The following CSRP2 variants were observed in gnomAD, a reference collection of about 807,000 sequenced individuals.
CSRP2 encodes the protein cysteine and glycine-rich protein 2.
In CSRP2, 18 loss-of-function variants were observed where a neutral mutation model predicts 24.6. The observed-to-expected ratio is 0.73, with a 90% CI of 0.51 to 1.09. The LOEUF (loss-of-function observed/expected upper bound fraction) is 1.09, where lower values mean the gene tolerates loss of function less well. CSRP2 is among the 50% of genes least tolerant of loss of function. The pLI is 0.00. For synonymous variants in CSRP2, 87 were observed against 84.3 expected, an observed-to-expected ratio of 1.03 and a Z score of -0.18; for missense variants, 215 against 239.4, an observed-to-expected ratio of 0.90 and a Z score of 0.67.
At chr12:76,873,311 G>A (rs1176241107) in intron 1 of CSRP2, among the ~76,000 whole-genome samples, 3 of 152,198 alleles carry the variant, frequency 2.0e-5, no homozygotes, top group African/African-American at 4.8e-5. Context: ...GTCCCGTTAC[G>A]ATGACTTTTT....
Position 76,863,223 on chromosome 12 carries a change from G to T in CSRP2, c.234C>A (p.Gly78=). ...PKGYGYGQGA[G]TLNMDRGERL... ...TCTCGCCACGGTCCATGTTAAGCGT[G>T]CCAGCGCCCTGGCCATAACCGTAGC... is the stretch of plus-strand genomic sequence containing the variant. The change falls in exon 3 of 6, where the codon GGC becomes GGA. Residue 78 remains glycine, a synonymous_variant. Coordinates refer to ENST00000311083, the MANE Select transcript of CSRP2 (RefSeq NM_001321.3). 3 of 1,614,214 alleles carry T rather than the reference G, an allele frequency of 1.9e-6. No homozygotes were observed. Among genetic ancestry groups the T allele is most frequent in the Non-Finnish European group, 2.5e-6 (3 of 1,180,040 alleles).
In CSRP2 at chr12:76,858,962, T is replaced by G. The variant is rs146063685; in HGVS notation, c.572A>C (p.His191Pro). Reference sequence around the variant, plus strand: ...TTCAGGGTTTACATCTTACTGGGCATGAACAAGAGCCCCTGCTCCTTGGCC... The same window carrying G: ...TTCAGGGTTTACATCTTACTGGGCAGGAACAAGAGCCCCTGCTCCTTGGCC... ...GYGQGAGALV[H>P]AQ The change falls in exon 6 of 6, where the codon CAT becomes CCT. Residue 191 changes from histidine (H) to proline (P), a missense_variant. Physicochemically the swap from His to Pro is moderately conservative, Grantham distance 77. Coordinates refer to ENST00000311083, the MANE Select transcript of CSRP2 (RefSeq NM_001321.3). The G allele has an allele frequency of 3.7e-6, 6 of 1,614,006 alleles. No homozygotes were observed. The highest frequency in any genetic ancestry group is 5.1e-6 in the Non-Finnish European group (6 of 1,179,950).
chr12:76,862,377 CCAAAAATA>C, intron 3 of CSRP2: 1 of 153,110 alleles, frequency 6.5e-6, no homozygotes, highest in Non-Finnish European at 1.5e-5. Context: ...CCCGCCTCTA[CCAAAAATA>C]CAAAAATTAG....
chr12:76,867,320 C>A (rs148206818), intron 1 of CSRP2, among the ~76,000 whole-genome samples: 1 of 129,954 alleles, frequency 7.7e-6, no homozygotes, highest in Non-Finnish European at 1.6e-5. Flanking sequence ...GAAACCCCGT[C>A]TCTGCTAAAT....
chr12:76,877,819 A>C (rs1256370260), intron 1 of CSRP2, among the ~76,000 whole-genome samples: 1 of 152,168 alleles, frequency 6.6e-6, no homozygotes, highest in Non-Finnish European at 1.5e-5. Context: ...ACGTGAGTCA[A>C]AGTACAGCCA....
intron 1 of CSRP2, among the ~76,000 whole-genome samples, chr12:76,868,479 T>C (rs1487281452): frequency 6.6e-6 from 1 of 152,214 alleles, no homozygotes; most frequent in Non-Finnish European, 1.5e-5. Context: ...CCTGCTGCCA[T>C]GTGAGATGTG....
At chr12:76,862,821 G>GA (rs1407184298) in intron 3 of CSRP2, 12 of 1,499,602 alleles carry the variant, frequency 8.0e-6, no homozygotes, top group Non-Finnish European at 1.1e-5. Context: ...TTGCACATGA[G>GA]AAACACCTCT....
chr12:76,862,906 T>A, intron 3 of CSRP2: 1 of 1,525,702 alleles, frequency 6.6e-7, no homozygotes. Flanking sequence ...GAAATTGAAG[T>A]AAATACAAAT....
At chr12:76,876,329 C>G (rs1953851179) in intron 1 of CSRP2, among the ~76,000 whole-genome samples, 1 of 152,172 alleles carries the variant, frequency 6.6e-6, no homozygotes, top group Admixed American at 6.5e-5. Flanking sequence ...TTAGTTCTTC[C>G]TCTGTGACTT....
At chr12:76,865,457 C>T (rs894373698) in intron 2 of CSRP2, among the ~76,000 whole-genome samples, 5 of 152,162 alleles carry the variant, frequency 3.3e-5, no homozygotes, top group African/African-American at 1.2e-4. Flanking sequence ...TTAAAGAGGT[C>T]CAGATACCTT....
intron 3 of CSRP2, chr12:76,861,178 C>T (rs1390494389): frequency 6.6e-6 from 1 of 151,000 alleles, no homozygotes; most frequent in Non-Finnish European, 1.5e-5. Flanking sequence ...TTTTTAAGCC[C>T]TCTTAGAACC....
At chr12:76,871,587 G>C (rs185332461) in intron 1 of CSRP2, among the ~76,000 whole-genome samples, 1 of 152,056 alleles carries the variant, frequency 6.6e-6, no homozygotes, top group Non-Finnish European at 1.5e-5. Context: ...TGGCTAACAC[G>C]GTGAAACCCC....
chr12:76,858,971 G>A lies in CSRP2; in HGVS notation c.563C>T (p.Ala188Val), dbSNP rs774082931. The change falls in exon 6 of 6, where the codon GCT becomes GTT. Residue 188 changes from alanine (A) to valine (V), a missense_variant. By Grantham distance (64) the Ala-to-Val change is moderately conservative. Transcript: ENST00000311083. ...TACATCTTACTGGGCATGAACAAGA[G>A]CCCCTGCTCCTTGGCCATAGCCAAA... is the stretch of plus-strand genomic sequence containing the variant. Reference protein sequence around the residue: ...KGFGYGQGAGALVHAQ With the variant: ...KGFGYGQGAGVLVHAQ 1 of 1,614,114 alleles carries A rather than the reference G, an allele frequency of 6.2e-7. No homozygotes were observed. The highest frequency in any genetic ancestry group is 1.3e-5 in the African/African-American group (1 of 75,056).
At chr12:76,859,524 G>A (rs761744208) in intron 5 of CSRP2, 23 bp downstream of exon 5, 1 of 1,469,820 alleles carries the variant, frequency 6.8e-7, no homozygotes, top group Non-Finnish European at 9.5e-7. Context: ...CATATGGACA[G>A]CAGTAACTGA....
chr12:76,877,458 G>A (rs1177051022), intron 1 of CSRP2, among the ~76,000 whole-genome samples: 1 of 152,202 alleles, frequency 6.6e-6, no homozygotes, highest in Non-Finnish European at 1.5e-5. Context: ...CCTATTGTGT[G>A]AGTCAAATTA....
At chr12:76,866,821 C>G (rs112637969) in intron 1 of CSRP2, among the ~76,000 whole-genome samples, 2 of 152,156 alleles carry the variant, frequency 1.3e-5, no homozygotes, top group Admixed American at 6.5e-5. Flanking sequence ...TGAAATTACA[C>G]GATTGTAGCA....
At position 76,878,996 on chromosome 12, in the gene CSRP2, AGGG is replaced by A. The variant is rs1002591732; in HGVS notation, c.-63_-61del. 1.2e-3 allele frequency: 177 copies of A among 152,044 alleles called. No homozygotes were observed. Among genetic ancestry groups the A allele is most frequent in the African/African-American group, 4.1e-3 (169 of 41,446 alleles). The allele number at this position is 152,044 out of a possible 1,614,324, so 9.4% of individuals were successfully genotyped here. A position where few individuals can be genotyped will look rare whatever the true frequency, so the allele number is the denominator to read the frequency against. On this transcript the variant is annotated 5_prime_UTR_variant, in exon 1 of 6. Coordinates refer to ENST00000311083, the MANE Select transcript of CSRP2 (RefSeq NM_001321.3). ...GAGCTAGCGAGGCTGGGCTGGAGGG[AGGG>A]TCCAGGGAGTCCGAGATCCCAGGCG... is the stretch of plus-strand genomic sequence containing the variant.
intron 1 of CSRP2, among the ~76,000 whole-genome samples, chr12:76,877,996 G>A (rs1280496857): frequency 8.6e-6 from 1 of 115,854 alleles, no homozygotes; most frequent in Admixed American, 1.4e-4. Context: ...ATTCTGTACC[G>A]AAAAGCATTT....
At chr12:76,870,670 T>C (rs1953787174) in intron 1 of CSRP2, among the ~76,000 whole-genome samples, 1 of 152,118 alleles carries the variant, frequency 6.6e-6, no homozygotes. Context: ...CAAAAGAACA[T>C]TGTCAGAAAG....
Sources: gnomAD v4.1 joint callset for allele counts (sites outside exome capture counted in the v4.1 genomes callset) on GRCh38, gnomAD v4.1.1 for gene constraint, MANE v1.5 for transcripts, NCBI Gene and HGNC (gene_info 2026-07-23, HGNC 2026-07-21) for gene names.